Variants in ST7 observed in about 807,000 individuals in gnomAD.
ST7 encodes suppressor of tumorigenicity 7 protein.
Under a neutral mutation model 78.7 loss-of-function variants are expected in ST7, and 28 were observed. The ratio of observed to expected loss-of-function variants is 0.36; its 90% CI spans 0.26 to 0.49. The LOEUF is 0.49. Ranked by LOEUF, ST7 falls within the 20% of genes least tolerant of loss-of-function variation. The probability of loss-of-function intolerance (pLI) is 0.99; values close to 1 mark genes in which losing one functional copy is unlikely to be tolerated. For synonymous variants in ST7, 247 were observed against 249.6 expected, an observed-to-expected ratio of 0.99 and a Z score of 0.10; for missense variants, 418 against 696.0, an observed-to-expected ratio of 0.60 and a Z score of 4.49.
intron 12 of ST7, among the ~76,000 whole-genome samples, chr7:117,199,922 G>A (rs1056199125): frequency 7.9e-5 from 12 of 152,168 alleles, no homozygotes; most frequent in African/African-American, 1.4e-4. Context: ...AGTGGTAGGG[G>A]AGTGGCCTGG....
chr7:117,044,180 C>T, intron 1 of ST7, among the ~76,000 whole-genome samples: 1 of 152,144 alleles, frequency 6.6e-6, no homozygotes, highest in East Asian at 1.9e-4. Context: ...GGATCATTGG[C>T]AGTTTTGATT....
chr7:116,990,230 C>T (rs1767269782), intron 1 of ST7, among the ~76,000 whole-genome samples: 1 of 152,126 alleles, frequency 6.6e-6, no homozygotes, highest in Non-Finnish European at 1.5e-5. Flanking sequence ...GCCACCACGC[C>T]CGGCCGGTGA....
intron 3 of ST7, among the ~76,000 whole-genome samples, chr7:117,123,378 G>T (rs1299884221): frequency 1.3e-5 from 2 of 152,100 alleles, no homozygotes; most frequent in East Asian, 1.9e-4. Context: ...GGCAGATTGT[G>T]CATATATTTT....
chr7:117,179,593 GCACAAT>G (rs1808592538), intron 10 of ST7, among the ~76,000 whole-genome samples: 1 of 152,134 alleles, frequency 6.6e-6, no homozygotes, highest in Admixed American at 6.5e-5. Context: ...ATGTGCAGAG[GCACAAT>G]TGGCATGGCT....
At chr7:116,972,074 A>G (rs1221296426) in intron 1 of ST7, 1 of 500,420 alleles carries the variant, frequency 2.0e-6, no homozygotes, top group South Asian at 1.6e-5. Flanking sequence ...GTTAAAGATC[A>G]GTCCTCAGTT....
intron 1 of ST7, among the ~76,000 whole-genome samples, chr7:116,986,508 C>G (rs1273342972): frequency 6.6e-6 from 1 of 151,976 alleles, no homozygotes; most frequent in Non-Finnish European, 1.5e-5. Flanking sequence ...CTGAGAATGC[C>G]ACTGTAAGAA....
At chr7:117,195,009 C>A (rs1407011032) in intron 12 of ST7, among the ~76,000 whole-genome samples, 1 of 152,122 alleles carries the variant, frequency 6.6e-6, no homozygotes. Flanking sequence ...TGACAAGTTT[C>A]CAAAAGGTGG....
chr7:117,179,796 C>T (rs572734670), intron 10 of ST7, among the ~76,000 whole-genome samples: 83 of 151,996 alleles, frequency 5.5e-4, no homozygotes, highest in Admixed American at 1.4e-3. Context: ...GGGCTTCAGT[C>T]GAGCCCAGAG....
At chr7:116,988,977 G>A (rs568947442) in intron 1 of ST7, among the ~76,000 whole-genome samples, 6 of 152,262 alleles carry the variant, frequency 3.9e-5, no homozygotes, top group African/African-American at 1.2e-4. Context: ...TGTCCACAGC[G>A]AATGTATGAT....
chr7:117,125,669 G>T (rs1237613419), intron 3 of ST7, among the ~76,000 whole-genome samples: 1 of 152,026 alleles, frequency 6.6e-6, no homozygotes, highest in Non-Finnish European at 1.5e-5. Flanking sequence ...ACAATCACTT[G>T]TCAGAAATTG....
intron 1 of ST7, among the ~76,000 whole-genome samples, chr7:117,081,988 G>A (rs1799816612): frequency 6.6e-6 from 1 of 152,096 alleles, no homozygotes; most frequent in Non-Finnish European, 1.5e-5. Context: ...CATTAATCAG[G>A]AAGGGCAGGC....
At chr7:116,987,793 G>A (rs1244707909) in intron 1 of ST7, among the ~76,000 whole-genome samples, 2 of 152,096 alleles carry the variant, frequency 1.3e-5, no homozygotes, top group African/African-American at 4.8e-5. Context: ...GGGCAATCTC[G>A]GCTCACTGCA....
At chr7:117,192,847 G>A (rs1213515259) in intron 12 of ST7, among the ~76,000 whole-genome samples, 1 of 152,074 alleles carries the variant, frequency 6.6e-6, no homozygotes, top group Non-Finnish European at 1.5e-5. Flanking sequence ...CAGTTAACTA[G>A]GATTCCACCT....
At chr7:117,139,428 G>A (rs1471979862) in intron 9 of ST7, among the ~76,000 whole-genome samples, 1 of 152,178 alleles carries the variant, frequency 6.6e-6, no homozygotes, top group East Asian at 1.9e-4. Context: ...TCATGGATTT[G>A]AGCACACTAG....
intron 1 of ST7, 43 bp downstream of exon 1, chr7:116,953,734 G>A (rs1333301785): frequency 2.9e-6 from 3 of 1,023,344 alleles, no homozygotes; most frequent in Non-Finnish European, 4.0e-6. Context: ...CCCCTCCCCC[G>A]CCCCGGAAAG....
At chr7:117,164,367 A>G (rs2117230746) in intron 9 of ST7, among the ~76,000 whole-genome samples, 1 of 152,296 alleles carries the variant, frequency 6.6e-6, no homozygotes, top group East Asian at 1.9e-4. Context: ...TTTTTGAATT[A>G]TCTAATATTC....
At chr7:117,170,329 A>C (rs796532266) in intron 9 of ST7, among the ~76,000 whole-genome samples, 4 of 152,356 alleles carry the variant, frequency 2.6e-5, no homozygotes, top group South Asian at 4.1e-4. Flanking sequence ...AATTGATATG[A>C]ACTCTTATAA....
intron 9 of ST7, among the ~76,000 whole-genome samples, chr7:117,147,864 A>AT (rs909332871): frequency 1.3e-5 from 2 of 151,342 alleles, no homozygotes; most frequent in African/African-American, 2.4e-5. Context: ...TCATTGATTG[A>AT]TTTTTTTCTT....
chr7:116,971,769 T>C (rs1793437538), intron 1 of ST7, among the ~76,000 whole-genome samples: 1 of 152,098 alleles, frequency 6.6e-6, no homozygotes, highest in Non-Finnish European at 1.5e-5. Flanking sequence ...TGCATTAAGC[T>C]GAAAAGTCAC....
Sources: allele counts gnomAD v4.1 joint callset (sites outside exome capture counted in the v4.1 genomes callset), GRCh38; gene constraint gnomAD v4.1.1; transcripts MANE v1.5; gene names NCBI Gene and HGNC (gene_info 2026-07-23, HGNC 2026-07-21).